Variants in ZNF583 observed in about 807,000 individuals in gnomAD.
ZNF583 encodes zinc finger protein L3-5.
Under a neutral mutation model 55.3 loss-of-function variants are expected in ZNF583, and 30 were observed. The ratio of observed to expected loss-of-function variants is 0.54; its 90% confidence interval spans 0.41 to 0.74. The LOEUF is 0.74. Among genes scored for constraint, ZNF583 ranks in the 30% least tolerant of loss-of-function variants. The pLI, the probability that ZNF583 is intolerant of heterozygous loss-of-function variation, is 0.00. For synonymous variants in ZNF583, 208 were observed against 220.0 expected (o/e 0.95, Z 0.48); for missense variants, 504 against 664.7 (o/e 0.76, Z 2.66).
intron 4 of ZNF583, among the ~76,000 whole-genome samples, chr19:56,415,922 T>C (rs1380739678): frequency 1.3e-5 from 2 of 152,224 alleles, no homozygotes; most frequent in African/African-American, 4.8e-5. Context: ...CCTTTTCATT[T>C]AGGTTATCAG....
Position 56,423,417 on chromosome 19 carries a change from A to G in ZNF583, c.759A>G (p.Ala253=). 1.2e-6 allele frequency: 2 copies of G among 1,614,030 alleles called. No homozygotes were observed. The highest frequency in any genetic ancestry group is 1.7e-6 in the Non-Finnish European group (2 of 1,179,904). The change falls in exon 5 of 5, where the codon GCA becomes GCG. Residue 253 remains alanine (A), a synonymous_variant. Transcript: ENST00000333201. ...VECGKTFSQS[A]NLAQHKRIHT... is the part of the protein sequence containing the mutation. ...GTGGGAAAACGTTCAGCCAGAGTGC[A>G]AACTTGGCGCAACATAAGAGAATAC...
rs961144503 is a variant in ZNF583 at position 56,421,152 on chromosome 19, C to T, written c.233-1739C>T. Among the ~76,000 whole-genome samples the T allele has an allele frequency of 5.3e-5, 8 of 152,138 alleles. 1 individual carries two copies. The East Asian group carries it at 1.5e-3, about 29-fold the overall frequency. ...ATTCTCAGCCCTCAACCTCCACTAA[C>T]TCAATCAAAAACTCTGTGTGTGGGG... is the stretch of plus-strand genomic sequence containing the variant. On this transcript the variant is annotated intron_variant, in intron 4 of 4. Transcript: ENST00000333201.
rs116542120 is a variant in ZNF583 at position 56,407,738 on chromosome 19, T to A, written c.9+615T>A. 4.3e-3 allele frequency among the ~76,000 whole-genome samples: 651 copies of A among 152,312 alleles called. 5 individuals carry two copies. Among genetic ancestry groups the A allele is most frequent in the African/African-American group, 0.015 (625 of 41,572 alleles). ...TCCACAGCTATGTTATTCTAGGTCA[T>A]CCAGTTAAGATTAGTGGAATTAATA... On this transcript the variant is annotated intron_variant, in intron 2 of 4. Coordinates refer to ENST00000333201, the MANE Select transcript of ZNF583 (RefSeq NM_152478.3).
At chr19:56,421,218 T>C (rs928583368) in intron 4 of ZNF583, among the ~76,000 whole-genome samples, 1 of 152,176 alleles carries the variant, frequency 6.6e-6, no homozygotes, top group Non-Finnish European at 1.5e-5. Context: ...CTAATTCTGA[T>C]ACACTCTAAA....
In ZNF583 at chr19:56,407,964, T is replaced by C. The variant is rs189354931; in HGVS notation, c.9+841T>C. On this transcript the variant is annotated intron_variant, in intron 2 of 4. Transcript: ENST00000333201. ...TGGAAATCTTCATTCACTGAACATA[T>C]AGTTATTAAAGGCCTTGTGCTAATT... Among the ~76,000 whole-genome samples the C allele has an allele frequency of 6.6e-3, 1,000 of 152,276 alleles. 9 individuals carry two copies. Among genetic ancestry groups the C allele is most frequent in the Non-Finnish European group, 0.01 (687 of 68,028 alleles).
At position 56,424,306 on chromosome 19, in the gene ZNF583, C is replaced by T. The variant is rs1172924529; in HGVS notation, c.1648C>T (p.Leu550Phe). ...RIHTMESFLT[L>F]SSPSPSTSNQ... The stretch of plus-strand genomic sequence containing the variant: ...TCATACTATGGAGTCATTCTTGACT[C>T]TTTCCTCTCCCTCACCCTCCACATC... Residue 550 changes from leucine (L) to phenylalanine (F), a missense_variant, in exon 5 of 5, where the codon CTT becomes TTT. Transcript: ENST00000333201. 6.2e-7 allele frequency: 1 copy of T among 1,609,922 alleles called. No homozygotes were observed. The highest frequency in any genetic ancestry group is 1.3e-5 in the African/African-American group (1 of 74,832).
chr19:56,406,920 C>A, intron 1 of ZNF583, 106 bp from the exon 2 acceptor site: 1 of 565,482 alleles, frequency 1.8e-6, no homozygotes, highest in East Asian at 3.0e-5. Context: ...TAATTTACTC[C>A]TGAGGTTGGG....
At chr19:56,409,597 A>G (rs2042207081) in intron 2 of ZNF583, among the ~76,000 whole-genome samples, 1 of 152,108 alleles carries the variant, frequency 6.6e-6, no homozygotes, top group African/African-American at 2.4e-5. Flanking sequence ...CAGCCTCCCA[A>G]GTAGCCAAGT....
intron 2 of ZNF583, among the ~76,000 whole-genome samples, chr19:56,411,396 A>G (rs2042236098): frequency 6.6e-6 from 1 of 152,248 alleles, no homozygotes; most frequent in East Asian, 1.9e-4. Flanking sequence ...TTTAAATTAA[A>G]TCAAAGTAAA....
intron 2 of ZNF583, among the ~76,000 whole-genome samples, chr19:56,412,286 G>A (rs2042250365): frequency 6.6e-6 from 1 of 152,236 alleles, no homozygotes; most frequent in Admixed American, 6.5e-5. Flanking sequence ...AGATGCATAT[G>A]CCTAACCATA....
chr19:56,424,046 C>T lies in ZNF583; in HGVS notation c.1388C>T (p.Pro463Leu). Residue 463 changes from proline to leucine, a missense_variant, in exon 5 of 5, where the codon CCC (proline) becomes CTC (leucine). Transcript: ENST00000333201. ...QHQRSHTGEKPYMCKECRKTF... is the reference protein window; with the variant it reads ...QHQRSHTGEKLYMCKECRKTF... ...CAGAGAAGTCATACTGGAGAAAAACCCTATATGTGTAAGGAATGTAGGAAA... is the reference window on the plus strand; with the variant it reads ...CAGAGAAGTCATACTGGAGAAAAACTCTATATGTGTAAGGAATGTAGGAAA... The T allele has an allele frequency of 6.2e-7, 1 of 1,613,948 alleles. No homozygotes were observed. The highest frequency in any genetic ancestry group is 8.5e-7 in the Non-Finnish European group (1 of 1,179,980).
Position 56,407,068 on chromosome 19 carries a change from G to A in ZNF583, c.-47G>A, listed in dbSNP as rs1396771090. On this transcript the variant is annotated 5_prime_UTR_variant, in exon 2 of 5. Transcript: ENST00000333201. ...ACTGTCCCTCTCCCACAGAGGAGCT[G>A]AAGGAGTAGGACAGAAGAACTGTCA... 6.2e-7 allele frequency: 1 copy of A among 1,612,516 alleles called. No individual in the cohort carries two copies. The highest frequency in any genetic ancestry group is 2.2e-5 in the East Asian group (1 of 44,834).
Position 56,414,050 on chromosome 19 carries a change from T to G in ZNF583, c.101T>G (p.Val34Gly). 1 of 1,607,546 alleles carries G rather than the reference T, an allele frequency of 6.2e-7. No individual in the cohort carries two copies. ...NPAQRNLYRK[V>G]MLENYRSLVS... is the part of the protein sequence containing the mutation. ...GCTCAGAGGAATTTGTACAGGAAAG[T>G]GATGTTGGAGAACTACAGGAGCTTG... The change falls in exon 3 of 5, where the codon GTG becomes GGG. Residue 34 changes from valine (V) to glycine (G), a missense_variant. Physicochemically the swap from Val to Gly is moderately radical, Grantham distance 109. Coordinates refer to ENST00000333201, the MANE Select transcript of ZNF583 (RefSeq NM_152478.3).
At position 56,424,712 on chromosome 19, in the gene ZNF583, A is replaced by G. The variant is rs1600383429; in HGVS notation, c.*344A>G. 1 of 190,846 alleles carries G rather than the reference A, an allele frequency of 5.2e-6. No individual in the cohort carries two copies. The highest frequency in any genetic ancestry group is 1.1e-5 in the Non-Finnish European group (1 of 91,334). 11.8% of individuals were successfully genotyped at this position (190,846 alleles called of 1,614,324 possible). ...TATCCATCTCATTCTCTGAATACTT[A>G]TCCAGGATTAAGATACATATTCCAG... On this transcript the variant is annotated 3_prime_UTR_variant, in exon 5 of 5. Coordinates refer to ENST00000333201, the MANE Select transcript of ZNF583 (RefSeq NM_152478.3).
Position 56,413,836 on chromosome 19 carries a change from T to G in ZNF583, c.10-123T>G, listed in dbSNP as rs578152782. 7.4e-6 allele frequency: 10 copies of G among 1,347,068 alleles called. No homozygotes were observed. The African/African-American group carries it at 1.2e-4, about 16-fold the overall frequency. The allele number at this position is 1,347,068 out of a possible 1,614,324, so 83.4% of individuals were successfully genotyped here. On this transcript the variant is annotated intron_variant, in intron 2 of 4. Coordinates refer to ENST00000333201, the MANE Select transcript of ZNF583 (RefSeq NM_152478.3). ...ATGTGTTGCTCAGAACCTAAGATAC[T>G]GTCAGAAAGTTTTGCTATGTGCAAT...
intron 4 of ZNF583, among the ~76,000 whole-genome samples, chr19:56,420,585 C>T (rs182081189): frequency 5.3e-5 from 8 of 152,106 alleles, no homozygotes; most frequent in East Asian, 3.9e-4. Flanking sequence ...TATTTTGAGG[C>T]GTTATATTAG....
rs1319096198 is a variant in ZNF583, at chr19:56,414,082, T to C, written c.133T>C (p.Leu45=). Residue 45 remains leucine, a synonymous_variant, in exon 3 of 5, where the codon TTG becomes CTG. Coordinates refer to ENST00000333201, the MANE Select transcript of ZNF583 (RefSeq NM_152478.3). ...GGAGAACTACAGGAGCTTGGTATCATTGGGTAAGGACATGTCCCCTTAATT... is the reference window on the plus strand; with the variant it reads ...GGAGAACTACAGGAGCTTGGTATCACTGGGTAAGGACATGTCCCCTTAATT... ...MLENYRSLVS[L]GVSVSKPDVI... is the part of the protein sequence containing the mutation. 2 of 1,590,720 alleles carry C rather than the reference T, an allele frequency of 1.3e-6. No homozygotes were observed. The highest frequency in any genetic ancestry group is 1.3e-5 in the African/African-American group (1 of 74,100).
chr19:56,424,374 T>C lies in ZNF583; in HGVS notation c.*6T>C. The C allele has an allele frequency of 8.3e-7, 1 of 1,202,978 alleles. No homozygotes were observed. 74.5% of individuals were successfully genotyped at this position (1,202,978 alleles called of 1,614,324 possible). A position where few individuals can be genotyped will look rare whatever the true frequency, so the allele number is the denominator to read the frequency against. On this transcript the variant is annotated 3_prime_UTR_variant, in exon 5 of 5. Transcript: ENST00000333201. ...CTGTAGGTTTCATCTCCTGAATATT[T>C]CTGGAATCCACCTCTTGAATCCATT...
At position 56,422,882 on chromosome 19, in the gene ZNF583, A is replaced by G. The variant is rs777077980; in HGVS notation, c.233-9A>G. On this transcript the variant is annotated splice_polypyrimidine_tract_variant and intron_variant, in intron 4 of 4. Coordinates refer to ENST00000333201, the MANE Select transcript of ZNF583 (RefSeq NM_152478.3). ...ATACAAAAGTCATTTGTTTCTTGAT[A>G]TCTTTTAGATTGGGAGTATGTATTT... 3.9e-6 allele frequency: 6 copies of G among 1,549,612 alleles called. No homozygotes were observed. Among genetic ancestry groups the G allele is most frequent in the South Asian group, 1.2e-5 (1 of 81,186 alleles).
Sources: gnomAD v4.1 joint callset for allele counts (sites outside exome capture counted in the v4.1 genomes callset) on GRCh38, gnomAD v4.1.1 for gene constraint, MANE v1.5 for transcripts, NCBI Gene and HGNC (gene_info 2026-07-23, HGNC 2026-07-21) for gene names.